PASD1: variants seen among roughly 807,000 people sequenced by gnomAD.
PASD1 encodes the protein PAS domain containing repressor 1, also known as circadian clock protein PASD1.
PASD1 carries 13 observed loss-of-function variants against 58.8 expected under a neutral mutation model. The ratio of observed to expected loss-of-function variants is 0.22; its 90% CI spans 0.14 to 0.35. The LOEUF (loss-of-function observed/expected upper bound fraction) is 0.35. PASD1 is among the 10% of genes least tolerant of loss of function. The pLI is 1.00. For synonymous variants in PASD1, 236 were observed against 216.7 expected (o/e 1.09, Z -0.78); for missense variants, 734 against 568.3 (o/e 1.29, Z -2.96).
Position 151,672,477 on chromosome X carries a change from G to A in PASD1, c.1732G>A (p.Val578Met), listed in dbSNP as rs756142904. The change falls in exon 14 of 16, where the codon GTG becomes ATG. Residue 578 changes from valine (V) to methionine (M), a missense_variant. Coordinates refer to ENST00000370357, the MANE Select transcript of PASD1 (RefSeq NM_173493.3). Reference protein sequence around the residue: ...QEQPLKHNVIVGNERVQICLQ... With the variant: ...QEQPLKHNVIMGNERVQICLQ... ...GCAGCCACTGAAGCATAATGTCATCGTGGGGAATGAGAGGGTGCAGATATG... is the reference window on the plus strand; with the variant it reads ...GCAGCCACTGAAGCATAATGTCATCATGGGGAATGAGAGGGTGCAGATATG... 12 of 1,210,249 alleles carry A rather than the reference G, an allele frequency of 9.9e-6. No individual in the cohort carries two copies. Among genetic ancestry groups the A allele is most frequent in the African/African-American group, 7.0e-5 (4 of 57,233 alleles).
At position 151,653,879 on chromosome X, in the gene PASD1, T is replaced by TTTCTTTC. The variant is rs1198905117; in HGVS notation, c.717+5180_717+5186dup. Among the ~76,000 whole-genome samples, 181 of 19,805 alleles carry TTTCTTTC rather than the reference T, an allele frequency of 9.1e-3. 11 individuals are homozygous for TTTCTTTC. Among genetic ancestry groups the TTTCTTTC allele is most frequent in the African/African-American group, 0.029 (178 of 6,100 alleles). 17.2% of individuals were successfully genotyped at this position (19,805 alleles called of 115,157 possible). On this transcript the variant is annotated intron_variant, in intron 9 of 15. Coordinates refer to ENST00000370357, the MANE Select transcript of PASD1 (RefSeq NM_173493.3). ...CCCTCCCTCCCTCCCTCTTTCTTTCTTTCTTTCTTTCTTTCTTTCTTTCTT... is the reference window on the plus strand; with the variant it reads ...CCCTCCCTCCCTCCCTCTTTCTTTCTTTCTTTCTTCTTTCTTTCTTTCTTTCTTTCTT...
At chrX:151,638,016 A>G (rs1363659112) in intron 8 of PASD1, among the ~76,000 whole-genome samples, 1 of 111,660 alleles carries the variant, frequency 9.0e-6, no homozygotes, top group Non-Finnish European at 1.9e-5. Flanking sequence ...TAATTTTGCA[A>G]AGTCAGAGCA....
At chrX:151,658,294 A>G (rs1348856769) in intron 9 of PASD1, among the ~76,000 whole-genome samples, 2 of 112,219 alleles carry the variant, frequency 1.8e-5, no homozygotes, top group Non-Finnish European at 3.8e-5. Flanking sequence ...TGCATTTTAA[A>G]CTGTTATCTT....
intron 2 of PASD1, among the ~76,000 whole-genome samples, chrX:151,604,417 G>A (rs1228784640): frequency 2.7e-5 from 3 of 111,704 alleles, no homozygotes; most frequent in African/African-American, 9.8e-5. Flanking sequence ...AATGTGTGTG[G>A]TAGAAATTGA....
intron 4 of PASD1, among the ~76,000 whole-genome samples, chrX:151,617,962 G>A (rs767013087): frequency 8.9e-6 from 1 of 112,042 alleles, no homozygotes; most frequent in Non-Finnish European, 1.9e-5. Flanking sequence ...TTAGATGAGT[G>A]AATGAATGAG....
intron 8 of PASD1, among the ~76,000 whole-genome samples, chrX:151,637,776 T>C (rs1214303199): frequency 2.7e-5 from 3 of 111,992 alleles, no homozygotes; most frequent in African/African-American, 6.5e-5. Context: ...GGTTTTAATT[T>C]GCATTCCCCC....
At chrX:151,642,177 C>T (rs1487657622) in intron 8 of PASD1, among the ~76,000 whole-genome samples, 6 of 111,913 alleles carry the variant, frequency 5.4e-5, no homozygotes, top group Non-Finnish European at 9.4e-5. Context: ...CAAGATCTTT[C>T]CCAAGTGAGA....
Position 151,648,648 on chromosome X carries a change from G to C in PASD1, c.663G>C (p.Met221Ile), listed in dbSNP as rs1436132738. 8.3e-7 allele frequency: 1 copy of C among 1,211,431 alleles called. No homozygotes were observed. The highest frequency in any genetic ancestry group is 1.1e-6 in the Non-Finnish European group (1 of 895,327). ...AAGGTCAAAGAGGACACACTAGCAT[G>C]AAAGCCGTGTACGTTGAACCCGCTG... ...SSQGQRGHTSMKAVYVEPAAA... is the reference protein window; with the variant it reads ...SSQGQRGHTSIKAVYVEPAAA... Residue 221 changes from methionine to isoleucine, a missense_variant, in exon 9 of 16, where the codon ATG becomes ATC. Transcript: ENST00000370357.
At chrX:151,634,530 A>G (rs2013906359) in intron 8 of PASD1, among the ~76,000 whole-genome samples, 1 of 110,774 alleles carries the variant, frequency 9.0e-6, no homozygotes, top group Non-Finnish European at 1.9e-5. Context: ...TAGGATCACG[A>G]TTACATTTAG....
intron 8 of PASD1, among the ~76,000 whole-genome samples, chrX:151,626,944 C>G (rs982403756): frequency 9.0e-6 from 1 of 111,688 alleles, no homozygotes; most frequent in Non-Finnish European, 1.9e-5. Context: ...GATTGGTTGT[C>G]AACCTTTAGC....
At chrX:151,641,690 G>A (rs758528169) in intron 8 of PASD1, among the ~76,000 whole-genome samples, 5 of 111,088 alleles carry the variant, frequency 4.5e-5, no homozygotes, top group Admixed American at 9.6e-5. Context: ...GAGCAGTGAG[G>A]GTTGTGGTGC....
chrX:151,649,055 G>A (rs927073652), intron 9 of PASD1, among the ~76,000 whole-genome samples: 3 of 111,835 alleles, frequency 2.7e-5, no homozygotes, highest in African/African-American at 6.5e-5. Flanking sequence ...GTCTGCATCC[G>A]TTCTCTAAGA....
At chrX:151,592,721 T>C (rs2013266897) in intron 1 of PASD1, among the ~76,000 whole-genome samples, 1 of 111,688 alleles carries the variant, frequency 9.0e-6, no homozygotes, top group Admixed American at 9.5e-5. Context: ...AATTTAATCC[T>C]GTTGTGGTCA....
At chrX:151,590,049 A>T (rs774555220) in intron 1 of PASD1, among the ~76,000 whole-genome samples, 1 of 112,142 alleles carries the variant, frequency 8.9e-6, no homozygotes, top group African/African-American at 3.2e-5. Flanking sequence ...AAACATGAAA[A>T]ATCTACTGGG....
At chrX:151,674,219 G>T (rs770823820) in intron 15 of PASD1, 33 bp downstream of exon 15, 1 of 1,204,833 alleles carries the variant, frequency 8.3e-7, no homozygotes, top group African/African-American at 1.8e-5. Context: ...TCCTTCCAGC[G>T]CAGGTCAAGA....
chrX:151,582,018 G>A lies in PASD1; in HGVS notation c.-28+18179G>A, dbSNP rs1205077314. On this transcript the variant is annotated intron_variant, in intron 1 of 15. Transcript: ENST00000370357. ...TTTTTTTTTTTTGAGAAGGAGTCTC[G>A]CTCTGTTGCCCAGGCTGGAGTGCAG... is the stretch of plus-strand genomic sequence containing the variant. Among the ~76,000 whole-genome samples, 13 of 76,667 alleles carry A rather than the reference G, an allele frequency of 1.7e-4. No homozygotes were observed. In the South Asian group the frequency reaches 3.1e-3, roughly 19 times the overall value. The allele number at this position is 76,667 out of a possible 115,157, so 66.6% of individuals were successfully genotyped here.
intron 3 of PASD1, among the ~76,000 whole-genome samples, chrX:151,607,067 T>A (rs1010071615): frequency 3.6e-5 from 4 of 112,084 alleles, no homozygotes; most frequent in Middle Eastern, 4.6e-3. Context: ...TGTCGTAATC[T>A]TCTTCTTCCA....
intron 1 of PASD1, among the ~76,000 whole-genome samples, chrX:151,598,924 CAT>C (rs1179246879): frequency 9.0e-6 from 1 of 110,673 alleles, no homozygotes; most frequent in African/African-American, 3.3e-5. Flanking sequence ...AGCAGATAAA[CAT>C]GTGAACAAAG....
intron 8 of PASD1, among the ~76,000 whole-genome samples, chrX:151,633,052 A>G (rs2041111266): frequency 1.8e-5 from 2 of 112,028 alleles, no homozygotes; most frequent in South Asian, 7.6e-4. Flanking sequence ...GCAGACAGTC[A>G]TGATCTGAAG....
Sources: allele counts gnomAD v4.1 joint callset (sites outside exome capture counted in the v4.1 genomes callset), GRCh38; gene constraint gnomAD v4.1.1; transcripts MANE v1.5; gene names NCBI Gene and HGNC (gene_info 2026-07-23, HGNC 2026-07-21).